MTUS2: variants seen among roughly 807,000 people sequenced by gnomAD.
The protein encoded by MTUS2 is microtubule associated scaffold protein 2, also known as microtubule-associated tumor suppressor candidate 2.
Under a neutral mutation model 114.1 loss-of-function variants are expected in MTUS2, and 40 were observed. That is an observed-to-expected ratio of 0.35 (90% CI 0.27 to 0.46). The LOEUF (loss-of-function observed/expected upper bound fraction) is 0.46. Ranked by LOEUF, MTUS2 falls within the 20% of genes least tolerant of loss-of-function variation. The probability of loss-of-function intolerance (pLI) is 1.00; values close to 1 mark genes in which losing one functional copy is unlikely to be tolerated. For missense variants in MTUS2, 1,679 were observed against 1,705.4 expected, an observed-to-expected ratio of 0.98 and a Z score of 0.27; for synonymous variants, 688 against 672.0, an observed-to-expected ratio of 1.02 and a Z score of -0.37.
chr13:29,052,478 G>T (rs996003830), intron 4 of MTUS2, among the ~76,000 whole-genome samples: 1 of 135,664 alleles, frequency 7.4e-6, no homozygotes, highest in East Asian at 2.2e-4. Context: ...AAAAAAAAAA[G>T]AAAAGGAAAA....
At chr13:29,445,801 G>A (rs931306470) in intron 9 of MTUS2, among the ~76,000 whole-genome samples, 1 of 151,972 alleles carries the variant, frequency 6.6e-6, no homozygotes, top group Non-Finnish European at 1.5e-5. Context: ...CCAGCTACTC[G>A]GGAGGCTGAG....
chr13:29,000,141 T>C (rs986327363), intron 2 of MTUS2, among the ~76,000 whole-genome samples: 1 of 152,206 alleles, frequency 6.6e-6, no homozygotes, highest in African/African-American at 2.4e-5. Context: ...TACCCAGTAG[T>C]AGGATTGGAG....
chr13:29,152,355 G>A (rs752789955), intron 5 of MTUS2, among the ~76,000 whole-genome samples: 22 of 152,158 alleles, frequency 1.4e-4, no homozygotes, highest in Non-Finnish European at 2.5e-4. Context: ...AGACTAATCG[G>A]TGTGTGACTT....
intron 4 of MTUS2, among the ~76,000 whole-genome samples, chr13:29,048,432 G>A (rs1450554193): frequency 1.3e-5 from 2 of 152,092 alleles, no homozygotes; most frequent in African/African-American, 2.4e-5. Context: ...TAGATGACAG[G>A]CATTGTGAAT....
Position 29,438,648 on chromosome 13 carries a change from C to T in MTUS2, c.3118-1335C>T, listed in dbSNP as rs149050272. 8.1e-3 allele frequency among the ~76,000 whole-genome samples: 1,231 copies of T among 152,188 alleles called. 21 individuals carry two copies. Among genetic ancestry groups the T allele is most frequent in the African/African-American group, 0.029 (1,189 of 41,510 alleles). ...ATCAGCTTGGAGGTGAGGATTTCAA[C>T]ATGAATTTTAGGGGGATTTAGGGGG... On this transcript the variant is annotated intron_variant, in intron 8 of 15. Transcript: ENST00000612955.
At chr13:29,404,195 A>G (rs1201346795) in intron 8 of MTUS2, among the ~76,000 whole-genome samples, 2 of 136,948 alleles carry the variant, frequency 1.5e-5, no homozygotes, top group Non-Finnish European at 1.6e-5. Flanking sequence ...AAAAAAAAGT[A>G]CAAAAATTAG....
At chr13:28,872,321 G>C (rs973045700) in intron 2 of MTUS2, among the ~76,000 whole-genome samples, 1 of 152,060 alleles carries the variant, frequency 6.6e-6, no homozygotes, top group African/African-American at 2.4e-5. Context: ...CTGAGCATTT[G>C]AGTAGATACG....
At chr13:29,501,896 C>T (rs1882937731) in intron 15 of MTUS2, among the ~76,000 whole-genome samples, 1 of 152,204 alleles carries the variant, frequency 6.6e-6, no homozygotes, top group African/African-American at 2.4e-5. Context: ...CACTCTCATA[C>T]ACTTACGCAC....
intron 5 of MTUS2, among the ~76,000 whole-genome samples, chr13:29,123,706 C>T (rs1305754927): frequency 6.6e-6 from 1 of 151,982 alleles, no homozygotes; most frequent in Non-Finnish European, 1.5e-5. Flanking sequence ...AGAGTCGTCT[C>T]AAAACAAACA....
chr13:29,071,409 ATTTTTTTTTTTT>A (rs751020009), intron 4 of MTUS2, among the ~76,000 whole-genome samples: 216 of 46,122 alleles, frequency 4.7e-3, no homozygotes, highest in African/African-American at 0.013. Context: ...TGTTGCTTGA[ATTTTTTTTTTTT>A]TTTTTTTTTT....
intron 11 of MTUS2, among the ~76,000 whole-genome samples, chr13:29,490,927 C>G (rs7324443): frequency 0.53 from 80,876 of 152,022 alleles, 23,018 homozygotes; most frequent in Non-Finnish European, 0.64. Context: ...CAATGAATAA[C>G]GTGAACAAAG....
At chr13:29,475,104 A>G (rs566318212) in intron 9 of MTUS2, among the ~76,000 whole-genome samples, 1 of 152,342 alleles carries the variant, frequency 6.6e-6, no homozygotes, top group African/African-American at 2.4e-5. Flanking sequence ...GGTTCCATGT[A>G]CAGCCATGCA....
At chr13:28,856,325 A>C (rs1876626844) in intron 2 of MTUS2, among the ~76,000 whole-genome samples, 1 of 152,224 alleles carries the variant, frequency 6.6e-6, no homozygotes, top group Admixed American at 6.5e-5. Flanking sequence ...CTGCATATGT[A>C]GGGAAGTCCC....
chr13:29,027,828 C>T (rs1022983704), intron 3 of MTUS2, among the ~76,000 whole-genome samples: 4 of 152,066 alleles, frequency 2.6e-5, no homozygotes, highest in African/African-American at 9.7e-5. Context: ...CGTGAGCCAC[C>T]GCGCCCAGCC....
At chr13:29,100,098 T>TTTGCA (rs1413512531) in intron 4 of MTUS2, among the ~76,000 whole-genome samples, 6 of 152,206 alleles carry the variant, frequency 3.9e-5, no homozygotes, top group African/African-American at 1.4e-4. Context: ...TAAGCAGTAA[T>TTTGCA]ATTTATACTA....
At chr13:28,975,168 TA>T (rs1303011795) in intron 2 of MTUS2, among the ~76,000 whole-genome samples, 2 of 152,260 alleles carry the variant, frequency 1.3e-5, no homozygotes, top group African/African-American at 4.8e-5. Flanking sequence ...AGCAGAATGC[TA>T]TTGAAAATGT....
chr13:29,105,649 GTT>G (rs71090225), intron 5 of MTUS2, among the ~76,000 whole-genome samples: 1 of 96,576 alleles, frequency 1.0e-5, no homozygotes, highest in Admixed American at 9.6e-5. Context: ...TTTTTCTCCT[GTT>G]TTTTTCTTTT....
chr13:29,379,523 G>C (rs1872040037), intron 8 of MTUS2, among the ~76,000 whole-genome samples: 1 of 152,198 alleles, frequency 6.6e-6, no homozygotes, highest in Admixed American at 6.5e-5. Flanking sequence ...TGTGCACTGT[G>C]GCCGTGGTGT....
At chr13:28,852,261 G>C (rs1161468) in intron 2 of MTUS2, among the ~76,000 whole-genome samples, 115,922 of 152,050 alleles carry the variant, frequency 0.76, 44,944 homozygotes, top group Non-Finnish European at 0.82. Context: ...AGCATTCTCC[G>C]TACATTACAT....
Sources: gnomAD v4.1 joint callset for allele counts (sites outside exome capture counted in the v4.1 genomes callset) on GRCh38, gnomAD v4.1.1 for gene constraint, MANE v1.5 for transcripts, NCBI Gene and HGNC (gene_info 2026-07-23, HGNC 2026-07-21) for gene names.